The following ERICH3 variants were observed in gnomAD, a reference collection of about 807,000 sequenced individuals.
ERICH3 encodes glutamate rich 3.
In ERICH3, 126 loss-of-function variants were observed where a neutral mutation model predicts 131.1. The ratio of observed to expected loss-of-function variants is 0.96; its 90% confidence interval spans 0.83 to 1.11. The LOEUF is 1.11. ERICH3 is among the 50% of genes most tolerant of loss of function. The pLI, the probability that ERICH3 is intolerant of heterozygous loss-of-function variation, is 0.00. For synonymous variants in ERICH3, 695 were observed against 644.6 expected (o/e 1.08, Z -1.18); for missense variants, 2,050 against 1,810.7 (o/e 1.13, Z -2.40).
chr1:74,610,723 C>CT lies in ERICH3; in HGVS notation c.1187+1899dup, dbSNP rs1398010665. Among the ~76,000 whole-genome samples the CT allele has an allele frequency of 7.2e-5, 11 of 152,024 alleles. No individual in the cohort carries two copies. In the South Asian group the frequency reaches 2.3e-3, roughly 32 times the overall value. On this transcript the variant is annotated intron_variant, in intron 9 of 14. Transcript: ENST00000326665. ...TAAAAACTTCTCTATAGTCTCCAGC[C>CT]TTTGTTTTTCTCCAACTATTTTTTA...
chr1:74,643,474 G>A (rs571704569), intron 3 of ERICH3, among the ~76,000 whole-genome samples: 134 of 152,078 alleles, frequency 8.8e-4, no homozygotes, highest in African/African-American at 3.1e-3. Flanking sequence ...AAAGAGAATG[G>A]CTATATTTCT....
chr1:74,572,784 CA>C lies in ERICH3; in HGVS notation c.2925del (p.Gly977GlufsTer12), dbSNP rs1322300718. On this transcript the variant is annotated frameshift_variant, in exon 14 of 15. Transcript: ENST00000326665. LOFTEE classifies it high-confidence loss of function. ...CTCTCTTTGGCTGGTTCCTCTCCCC[CA>C]AGAATTGCCTCTTCAGAACCGTCCT... ...KREDGSEEAI[L>X]GGEEPAKERK... The C allele has an allele frequency of 6.2e-7, 1 of 1,613,860 alleles. No homozygotes were observed. Among genetic ancestry groups the C allele is most frequent in the Non-Finnish European group, 8.5e-7 (1 of 1,180,018 alleles).
chr1:74,650,921 AAGAC>A (rs1570908796), intron 1 of ERICH3, among the ~76,000 whole-genome samples: 1 of 151,132 alleles, frequency 6.6e-6, no homozygotes, highest in African/African-American at 2.4e-5. Context: ...GACAAAGAGG[AAGAC>A]AGACAGAGAT....
chr1:74,657,918 A>T (rs1244204136), intron 1 of ERICH3, among the ~76,000 whole-genome samples: 1 of 152,198 alleles, frequency 6.6e-6, no homozygotes, highest in East Asian at 1.9e-4. Flanking sequence ...ACTAAGGGAG[A>T]TAATGAGGCT....
chr1:74,614,549 C>T (rs567798403), intron 8 of ERICH3, among the ~76,000 whole-genome samples: 13 of 150,968 alleles, frequency 8.6e-5, no homozygotes, highest in African/African-American at 2.7e-4. Context: ...TGGTAGCGGG[C>T]ACCTGTATTC....
chr1:74,584,878 A>T (rs1320286640), intron 12 of ERICH3, among the ~76,000 whole-genome samples: 1 of 152,164 alleles, frequency 6.6e-6, no homozygotes, highest in Non-Finnish European at 1.5e-5. Context: ...CAGAAATTGT[A>T]TTTAGACCTC....
At position 74,673,598 on chromosome 1, in the gene ERICH3, C is replaced by G; in HGVS notation, c.-79G>C. ...GGCCCCGTGCGCGCTGGCGCTGCGA[C>G]AGTCGCGCTCGAGGGGTGGCTCCGC... is the stretch of plus-strand genomic sequence containing the variant. On this transcript the variant is annotated 5_prime_UTR_variant, in exon 1 of 15. Coordinates refer to ENST00000326665, the MANE Select transcript of ERICH3 (RefSeq NM_001002912.5). 6.5e-7 allele frequency: 1 copy of G among 1,528,124 alleles called. No individual in the cohort carries two copies. Among genetic ancestry groups the G allele is most frequent in the African/African-American group, 1.4e-5 (1 of 71,292 alleles). The allele number at this position is 1,528,124 out of a possible 1,614,324, so 94.7% of individuals were successfully genotyped here. A position where few individuals can be genotyped will look rare whatever the true frequency, so the allele number is the denominator to read the frequency against.
In ERICH3 at chr1:74,571,287, G is replaced by A. The variant is rs765290979; in HGVS notation, c.4423C>T (p.Arg1475Ter). The change falls in exon 14 of 15, where the codon CGA becomes TGA. Residue 1475 changes from arginine (R) to a stop codon, truncating the protein, a stop_gained. Transcript: ENST00000326665. LOFTEE classifies it high-confidence loss of function. ...TCTCCCTCCCGTGATAATCCTAATC[G>A]GAATTTTTCAGCTGCTCCTGTCTCC... ...RQETGAAEKF[R>*]LGLSREGERE... 3.1e-6 allele frequency: 5 copies of A among 1,613,764 alleles called. No individual in the cohort carries two copies. Among genetic ancestry groups the A allele is most frequent in the East Asian group, 4.5e-5 (2 of 44,850 alleles).
intron 12 of ERICH3, among the ~76,000 whole-genome samples, chr1:74,580,124 CAT>C (rs1359240980): frequency 2.6e-5 from 4 of 151,908 alleles, no homozygotes; most frequent in African/African-American, 9.7e-5. Flanking sequence ...AAATAATTAT[CAT>C]AGTTTCACTA....
rs1330793827 is a variant in ERICH3 at position 74,571,346 on chromosome 1, T to C, written c.4364A>G (p.Gln1455Arg). 6.2e-7 allele frequency: 1 copy of C among 1,614,052 alleles called. No individual in the cohort carries two copies. Among genetic ancestry groups the C allele is most frequent in the Non-Finnish European group, 8.5e-7 (1 of 1,180,016 alleles). ...GQEQEEGSEG[Q>R]EAATGSGDGR... ...ATCGCCACTCCCAGTGGCTGCCTCC[T>C]GGCCCTCTGACCCTTCCTCTTGCTC... Residue 1455 changes from glutamine to arginine, a missense_variant, in exon 14 of 15, where the codon CAG becomes CGG. Gln to Arg is a conservative substitution (Grantham distance 43). Coordinates refer to ENST00000326665, the MANE Select transcript of ERICH3 (RefSeq NM_001002912.5).
intron 3 of ERICH3, among the ~76,000 whole-genome samples, chr1:74,644,782 T>G (rs1646467212): frequency 6.6e-6 from 1 of 152,052 alleles, no homozygotes; most frequent in Non-Finnish European, 1.5e-5. Flanking sequence ...TAATCCATCT[T>G]CCACATTTTT....
At chr1:74,632,173 T>G (rs574930673) in intron 6 of ERICH3, among the ~76,000 whole-genome samples, 3 of 152,132 alleles carry the variant, frequency 2.0e-5, no homozygotes. Context: ...TTTATAGTAC[T>G]TTTGGGGTTT....
In ERICH3 at chr1:74,571,832, T is replaced by A; in HGVS notation, c.3878A>T (p.Asp1293Val). The part of the protein sequence containing the change: ...EKFREEAVDE[D>V]PEEEEDKECT... The stretch of plus-strand genomic sequence containing the variant: ...CTCTTTGTCCTCTTCCTCCTCTGGG[T>A]CCTCATCCACCGCTTCCTCCCTGAA... Residue 1293 changes from aspartate to valine, a missense_variant, in exon 14 of 15, where the codon GAC becomes GTC. By Grantham distance (152) the Asp-to-Val change is radical. Transcript: ENST00000326665. 6.2e-7 allele frequency: 1 copy of A among 1,612,880 alleles called. No individual in the cohort carries two copies. Among genetic ancestry groups the A allele is most frequent in the Non-Finnish European group, 8.5e-7 (1 of 1,180,028 alleles).
In ERICH3 at chr1:74,646,678, G is replaced by T. The variant is rs1008478785; in HGVS notation, c.232C>A (p.Leu78Ile). 1 of 1,373,240 alleles carries T rather than the reference G, an allele frequency of 7.3e-7. No individual in the cohort carries two copies. The highest frequency in any genetic ancestry group is 1.5e-5 in the African/African-American group (1 of 67,920). 85.1% of individuals were successfully genotyped at this position (1,373,240 alleles called of 1,614,324 possible). Reference sequence around the variant, plus strand: ...GTATATATTTTTACCTCCATATCAAGAACTTTATGAAAAATTGCCTGGGCT... The same window carrying T: ...GTATATATTTTTACCTCCATATCAATAACTTTATGAAAAATTGCCTGGGCT... Reference protein sequence around the residue: ...CLAQAIFHKVLDMERYHQLEI... With the variant: ...CLAQAIFHKVIDMERYHQLEI... The change falls in exon 3 of 15, where the codon CTT becomes ATT. Residue 78 changes from leucine to isoleucine, a missense_variant. Leu to Ile is a conservative substitution (Grantham distance 5, BLOSUM62 2). Coordinates refer to ENST00000326665, the MANE Select transcript of ERICH3 (RefSeq NM_001002912.5).
chr1:74,656,449 C>A (rs757509395), intron 1 of ERICH3, among the ~76,000 whole-genome samples: 1 of 152,126 alleles, frequency 6.6e-6, no homozygotes, highest in Non-Finnish European at 1.5e-5. Context: ...CATCGCATGG[C>A]GGAAGGTGGA....
At position 74,627,452 on chromosome 1, in the gene ERICH3, A is replaced by C. The variant is rs549765249; in HGVS notation, c.819+4261T>G. The stretch of plus-strand genomic sequence containing the variant: ...TGTCATGGTAAGTTAAAAAAAAACT[A>C]AGATGGTAGAAATAAGTCTAAATAT... On this transcript the variant is annotated intron_variant, in intron 7 of 14. Transcript: ENST00000326665. 7.2e-5 allele frequency among the ~76,000 whole-genome samples: 11 copies of C among 152,272 alleles called. No homozygotes were observed. In the South Asian group the frequency reaches 2.1e-3, roughly 29 times the overall value.
chr1:74,578,104 T>C (rs1647102537), intron 12 of ERICH3: 1 of 152,282 alleles, frequency 6.6e-6, no homozygotes, highest in South Asian at 2.1e-4. Context: ...TCATATTACA[T>C]ACTAACCATA....
chr1:74,634,719 T>C (rs931350329), intron 6 of ERICH3: 27 of 706,254 alleles, frequency 3.8e-5, no homozygotes, highest in Non-Finnish European at 6.6e-5. Flanking sequence ...GAGGAAATCC[T>C]ACTCATTGGA....
chr1:74,599,641 T>C (rs568880650), intron 11 of ERICH3, 54 bp downstream of exon 11: 7 of 1,358,904 alleles, frequency 5.2e-6, no homozygotes, highest in African/African-American at 4.4e-5. Context: ...CAAAGAAAAG[T>C]AGTAAACACA....
Sources: allele counts gnomAD v4.1 joint callset (sites outside exome capture counted in the v4.1 genomes callset), GRCh38; gene constraint gnomAD v4.1.1; transcripts MANE v1.5; gene names NCBI Gene and HGNC (gene_info 2026-07-23, HGNC 2026-07-21).